The following NRG2 variants were observed in gnomAD, a reference collection of about 807,000 sequenced individuals.
NRG2 encodes the protein neuregulin 2.
In NRG2, 27 loss-of-function variants were observed where a neutral mutation model predicts 73.9. The observed-to-expected ratio is 0.37, with a 90% confidence interval of 0.27 to 0.50. The LOEUF is 0.50. NRG2 is among the 20% of genes least tolerant of loss of function. The pLI, the probability that NRG2 is intolerant of heterozygous loss-of-function variation, is 0.96. For missense variants in NRG2, 1,126 were observed against 1,210.1 expected (o/e 0.93, Z 1.03); for synonymous variants, 532 against 541.0 (o/e 0.98, Z 0.23).
chr5:140,036,694 G>T (rs1377158035), intron 1 of NRG2, among the ~76,000 whole-genome samples: 1 of 152,170 alleles, frequency 6.6e-6, no homozygotes, highest in Non-Finnish European at 1.5e-5. Flanking sequence ...AAGTAAGACA[G>T]AAATCCCCAC....
At chr5:139,943,443 C>T (rs529816855) in intron 1 of NRG2, among the ~76,000 whole-genome samples, 89 of 152,240 alleles carry the variant, frequency 5.8e-4, no homozygotes, top group African/African-American at 1.8e-3. Context: ...CCACCATGCC[C>T]GGCCCCACTT....
intron 1 of NRG2, among the ~76,000 whole-genome samples, chr5:139,931,075 T>G (rs1752436588): frequency 6.6e-6 from 1 of 152,218 alleles, no homozygotes. Context: ...CTTCATCATT[T>G]AACCTTTCTG....
Position 139,848,256 on chromosome 5 carries a change from C to G in NRG2, c.2214G>C (p.Ala738=). The change falls in exon 10 of 10, where the codon GCG becomes GCC. Residue 738 remains alanine (A), a synonymous_variant. Transcript: ENST00000361474. ...GCGAGCGGCGCCAGCGCCGGGGCCC[C>G]GCCGACGTCCTGCGGGACGCACCGC... ...RARGASRRTS[A]GPRRWRRSRL... The G allele has an allele frequency of 2.7e-6, 3 of 1,118,394 alleles. No individual in the cohort carries two copies. Among genetic ancestry groups the G allele is most frequent in the Non-Finnish European group, 3.3e-6 (3 of 917,566 alleles). 69.3% of individuals were successfully genotyped at this position (1,118,394 alleles called of 1,614,324 possible).
In NRG2 at chr5:139,876,925, C is replaced by CTGTGTGTG. The variant is rs3082489; in HGVS notation, c.991+3923_991+3930dup. On this transcript the variant is annotated intron_variant, in intron 3 of 9. Transcript: ENST00000361474. Reference sequence around the variant, plus strand: ...ATGCGTGACTGACATGAATGTGCATCTGTGTGTGTGTGTGTGTGTGTGTGT... The same window carrying CTGTGTGTG: ...ATGCGTGACTGACATGAATGTGCATCTGTGTGTGTGTGTGTGTGTGTGTGTGTGTGTGT... Among the ~76,000 whole-genome samples the CTGTGTGTG allele has an allele frequency of 4.5e-3, 640 of 141,994 alleles. 3 individuals are homozygous for CTGTGTGTG. Among genetic ancestry groups the CTGTGTGTG allele is most frequent in the African/African-American group, 0.011 (428 of 38,358 alleles). The allele number at this position is 141,994 out of a possible 152,430, so 93.2% of individuals were successfully genotyped here.
intron 2 of NRG2, among the ~76,000 whole-genome samples, chr5:139,885,596 C>T (rs1176923360): frequency 1.3e-5 from 2 of 151,880 alleles, no homozygotes; most frequent in Admixed American, 6.6e-5. Flanking sequence ...GGAGCAGCAG[C>T]GTGGAGGGAC....
At chr5:139,936,336 C>G (rs149862705) in intron 1 of NRG2, among the ~76,000 whole-genome samples, 1 of 152,212 alleles carries the variant, frequency 6.6e-6, no homozygotes, top group East Asian at 1.9e-4. Flanking sequence ...AAAGAGTCAT[C>G]ACTACCAACT....
rs1764428767 is a variant in NRG2 at position 139,894,424 on chromosome 5, G to A, written c.701-6913C>T. 1.3e-5 allele frequency among the ~76,000 whole-genome samples: 2 copies of A among 151,314 alleles called. No individual in the cohort carries two copies. The highest frequency in any genetic ancestry group is 4.2e-4 in the South Asian group (2 of 4,758). ...ACAAAGTGACTGCAACCTATTGGAG[G>A]TTAATTACAGACTCCAAGTTCAAAT... On this transcript the variant is annotated intron_variant, in intron 1 of 9. Transcript: ENST00000361474. This position sits in a 1 kb window ranked among gnomAD's most constrained non-coding sequence, Gnocchi z 5.0.
In NRG2 at chr5:140,006,573, A is replaced by G. The variant is rs145512690; in HGVS notation, c.700+35797T>C. 2.1e-3 allele frequency among the ~76,000 whole-genome samples: 316 copies of G among 152,374 alleles called. 2 individuals are homozygous for G. The highest frequency in any genetic ancestry group is 7.3e-3 in the African/African-American group (304 of 41,588). On this transcript the variant is annotated intron_variant, in intron 1 of 9. Coordinates refer to ENST00000361474, the MANE Select transcript of NRG2 (RefSeq NM_004883.3). ...TACAACTGGAAGTTATTAAATAAAT[A>G]TGGAGCATTCATAAGATTGTCTAAT...
rs1755520541 is a variant in NRG2 at position 139,966,397 on chromosome 5, G to T, written c.700+75973C>A. 2.0e-5 allele frequency among the ~76,000 whole-genome samples: 3 copies of T among 152,172 alleles called. No individual in the cohort carries two copies. In the South Asian group the frequency reaches 6.2e-4, roughly 32 times the overall value. On this transcript the variant is annotated intron_variant, in intron 1 of 9. Transcript: ENST00000361474. ...ACCACTGGCCCCTTCCCTTACGGAGGTATGACTTTGGTAAGGAAGGGATAT... is the reference window on the plus strand; with the variant it reads ...ACCACTGGCCCCTTCCCTTACGGAGTTATGACTTTGGTAAGGAAGGGATAT...
At chr5:140,016,670 T>C (rs1759806229) in intron 1 of NRG2, among the ~76,000 whole-genome samples, 1 of 152,250 alleles carries the variant, frequency 6.6e-6, no homozygotes. Flanking sequence ...TGTGAACAGA[T>C]GTAGCACATC....
intron 1 of NRG2, among the ~76,000 whole-genome samples, chr5:139,914,739 GT>G (rs1345818393): frequency 6.6e-6 from 1 of 152,160 alleles, no homozygotes; most frequent in African/African-American, 2.4e-5. Context: ...ATTCCTGCCC[GT>G]TTCTTAGTTC....
Position 140,042,637 on chromosome 5 carries a change from T to C in NRG2, c.433A>G (p.Ser145Gly), listed in dbSNP as rs981584333. The change falls in exon 1 of 10, where the codon AGC becomes GGC. Residue 145 changes from serine (S) to glycine (G), a missense_variant. Transcript: ENST00000361474. The part of the protein sequence containing the change: ...VQGLVPAGGS[S>G]SNSTREPPAS... ...GGCGGCTCTCGGGTGCTGTTGGAGC[T>C]GGAGCCGCCGGCTGGGACCAGCCCC... is the stretch of plus-strand genomic sequence containing the variant. 6.9e-6 allele frequency: 11 copies of C among 1,602,702 alleles called. No individual in the cohort carries two copies. In the Admixed American group the frequency reaches 1.2e-4, roughly 17 times the overall value.
chr5:139,989,590 G>A (rs574122111), intron 1 of NRG2, among the ~76,000 whole-genome samples: 4 of 151,588 alleles, frequency 2.6e-5, no homozygotes, highest in African/African-American at 7.3e-5. Flanking sequence ...AAAATATCCC[G>A]TGGCACGCAA....
In NRG2 at chr5:139,963,395, G is replaced by A. The variant is rs201288424; in HGVS notation, c.701-75884C>T. On this transcript the variant is annotated intron_variant, in intron 1 of 9. Transcript: ENST00000361474. ...AAAGTATAGGCATCAGGCCCTGGGG[G>A]AAAACCCGTCCCTATCTCAACCAGG... Among the ~76,000 whole-genome samples the A allele has an allele frequency of 6.6e-5, 10 of 152,296 alleles. No homozygotes were observed. The East Asian group carries it at 1.9e-3, about 29-fold the overall frequency.
intron 1 of NRG2, among the ~76,000 whole-genome samples, chr5:140,037,324 A>G (rs2126705578): frequency 6.6e-6 from 1 of 152,366 alleles, no homozygotes; most frequent in Non-Finnish European, 1.5e-5. Context: ...TCCTTTGAGC[A>G]TCCCAGTTAA....
intron 1 of NRG2, among the ~76,000 whole-genome samples, chr5:140,034,329 G>A (rs1761355205): frequency 6.7e-6 from 1 of 149,122 alleles, no homozygotes; most frequent in Non-Finnish European, 1.5e-5. Flanking sequence ...GTTTTGGGTC[G>A]ACTTTTTTTT....
chr5:139,958,096 G>A (rs1754773595), intron 1 of NRG2, among the ~76,000 whole-genome samples: 1 of 152,054 alleles, frequency 6.6e-6, no homozygotes, highest in Non-Finnish European at 1.5e-5. Context: ...GCTTTCACAA[G>A]CCCATTCAAT....
chr5:140,035,373 T>C (rs1483809481), intron 1 of NRG2, among the ~76,000 whole-genome samples: 1 of 152,220 alleles, frequency 6.6e-6, no homozygotes, highest in Non-Finnish European at 1.5e-5. Context: ...GTTGGCATAT[T>C]TTACAGTGTT....
At chr5:139,881,111 C>T in intron 2 of NRG2, 137 bp from the exon 3 acceptor site, 1 of 681,182 alleles carries the variant, frequency 1.5e-6, no homozygotes. Flanking sequence ...ATTCCCTCCC[C>T]CCAGCAATTT....
Sources: allele counts gnomAD v4.1 joint callset (sites outside exome capture counted in the v4.1 genomes callset), GRCh38; gene constraint gnomAD v4.1.1; non-coding constraint Gnocchi (gnomAD v3.1); transcripts MANE v1.5; gene names NCBI Gene and HGNC (gene_info 2026-07-23, HGNC 2026-07-21).